The following EVA1A variants were observed in gnomAD, a reference collection of about 807,000 sequenced individuals.
EVA1A encodes the protein eva-1 homolog A, regulator of programmed cell death, also known as protein eva-1 homolog A.
In EVA1A, 7 loss-of-function variants were observed where a neutral mutation model predicts 9.8. That is an observed-to-expected ratio of 0.71 (90% CI 0.41 to 1.34). The LOEUF is 1.34. Among genes scored for constraint, EVA1A ranks in the 40% most tolerant of loss-of-function variants. EVA1A has a pLI of 0.01. For missense variants in EVA1A, 206 were observed against 205.9 expected (o/e 1.00, Z 0.00); for synonymous variants, 90 against 85.6 (o/e 1.05, Z -0.28).
In EVA1A at chr2:75,526,720, G is replaced by T. The variant is rs113683523; in HGVS notation, c.-191-4233C>A. ...GCACAGGAGCAAAGGGATAGGCAGA[G>T]AAATTGAACAGAAGTCAAAGCTGCA... On this transcript the variant is annotated intron_variant, in intron 1 of 3. Transcript: ENST00000393913. 4.1e-3 allele frequency among the ~76,000 whole-genome samples: 625 copies of T among 152,336 alleles called. 2 individuals carry two copies. Among genetic ancestry groups the T allele is most frequent in the African/African-American group, 0.014 (597 of 41,574 alleles).
At chr2:75,530,660 C>T (rs1261215019) in intron 1 of EVA1A, among the ~76,000 whole-genome samples, 2 of 152,120 alleles carry the variant, frequency 1.3e-5, no homozygotes, top group Admixed American at 6.5e-5. Flanking sequence ...ATTATATGAT[C>T]ATCTCAATAG....
intron 1 of EVA1A, among the ~76,000 whole-genome samples, chr2:75,539,271 T>C (rs903346291): frequency 2.0e-5 from 3 of 152,186 alleles, no homozygotes; most frequent in Non-Finnish European, 4.4e-5. Context: ...AGTTTTCTTT[T>C]TCCAGAATAT....
At chr2:75,505,374 C>T (rs1674579832) in intron 3 of EVA1A, among the ~76,000 whole-genome samples, 1 of 152,132 alleles carries the variant, frequency 6.6e-6, no homozygotes, top group South Asian at 2.1e-4. Flanking sequence ...GATTCACTTT[C>T]GATTCTCTGG....
intron 1 of EVA1A, among the ~76,000 whole-genome samples, chr2:75,555,339 C>CCCA (rs1676674208): frequency 7.3e-6 from 1 of 137,172 alleles, no homozygotes; most frequent in Non-Finnish European, 1.7e-5. Context: ...CTCTCTCTCC[C>CCCA]CCATCTCCCC....
chr2:75,513,345 G>A (rs1674884070), intron 3 of EVA1A, among the ~76,000 whole-genome samples: 1 of 152,144 alleles, frequency 6.6e-6, no homozygotes, highest in Non-Finnish European at 1.5e-5. Flanking sequence ...TCATCCTCAT[G>A]CTATACATTA....
At chr2:75,539,230 T>C (rs1409475785) in intron 1 of EVA1A, among the ~76,000 whole-genome samples, 2 of 152,204 alleles carry the variant, frequency 1.3e-5, no homozygotes. Context: ...GAAAATGTTT[T>C]ATCTTGGGAA....
At position 75,493,508 on chromosome 2, in the gene EVA1A, A is replaced by G; in HGVS notation, c.187T>C (p.Cys63Arg). 6.2e-7 allele frequency: 1 copy of G among 1,614,226 alleles called. No homozygotes were observed. The highest frequency in any genetic ancestry group is 8.5e-7 in the Non-Finnish European group (1 of 1,180,038). The part of the protein sequence containing the change: ...LVIRISCHTD[C>R]RRRPGKKFLQ... ...AACTTCTTCCCGGGACGCCGCCTGCAGTCTGTGTGGCAAGAGATCCTTATC... is the reference window on the plus strand; with the variant it reads ...AACTTCTTCCCGGGACGCCGCCTGCGGTCTGTGTGGCAAGAGATCCTTATC... Residue 63 changes from cysteine (C) to arginine (R), a missense_variant, in exon 4 of 4, where the codon TGC becomes CGC. Cys to Arg is a radical substitution (Grantham distance 180). Transcript: ENST00000393913.
chr2:75,540,704 C>T (rs1304153860), intron 1 of EVA1A: 1 of 152,136 alleles, frequency 6.6e-6, no homozygotes, highest in Non-Finnish European at 1.5e-5. Context: ...TGTAGATGCT[C>T]CAAGACTCTC....
intron 3 of EVA1A, among the ~76,000 whole-genome samples, chr2:75,495,875 TCTC>T (rs1219351964): frequency 6.6e-6 from 1 of 152,210 alleles, no homozygotes; most frequent in African/African-American, 2.4e-5. Flanking sequence ...TTCTTTTTCT[TCTC>T]CTCCTTTCCT....
rs547885806 is a variant in EVA1A, at chr2:75,493,549, G to A, written c.146C>T (p.Thr49Ile). 2 of 1,614,086 alleles carry A rather than the reference G, an allele frequency of 1.2e-6. No homozygotes were observed. Among genetic ancestry groups the A allele is most frequent in the African/African-American group, 2.7e-5 (2 of 75,044 alleles). ...GATCCTTATCACCAGAGCAGCCAGG[G>A]TCAGCACCAGCCCGATGCACACGCC... is the stretch of plus-strand genomic sequence containing the variant. ...VSGVCIGLVL[T>I]LAALVIRISC... is the part of the protein sequence containing the mutation. Residue 49 changes from threonine (T) to isoleucine (I), a missense_variant, in exon 4 of 4, where the codon ACC (threonine) becomes ATC (isoleucine). Coordinates refer to ENST00000393913, the MANE Select transcript of EVA1A (RefSeq NM_001135032.2).
chr2:75,516,981 C>T (rs1225834125), intron 3 of EVA1A, among the ~76,000 whole-genome samples: 1 of 152,108 alleles, frequency 6.6e-6, no homozygotes, highest in Non-Finnish European at 1.5e-5. Flanking sequence ...GTGACCTAGG[C>T]CTTCACTGAT....
intron 1 of EVA1A, among the ~76,000 whole-genome samples, chr2:75,537,489 A>G (rs531918648): frequency 6.6e-6 from 1 of 152,350 alleles, no homozygotes; most frequent in South Asian, 2.1e-4. Flanking sequence ...AAAAGGTACT[A>G]AAAGACACAC....
At chr2:75,512,053 C>A (rs911452390) in intron 3 of EVA1A, among the ~76,000 whole-genome samples, 1 of 151,434 alleles carries the variant, frequency 6.6e-6, no homozygotes. Context: ...TACATAGAAG[C>A]TACACATATT....
At chr2:75,552,344 C>T (rs1676555409) in intron 1 of EVA1A, among the ~76,000 whole-genome samples, 1 of 152,092 alleles carries the variant, frequency 6.6e-6, no homozygotes, top group Non-Finnish European at 1.5e-5. Context: ...CCTATAAATG[C>T]TGCTCCCTCC....
upstream of EVA1A, among the ~76,000 whole-genome samples, chr2:75,564,687 C>CA (rs1266850533): frequency 2.0e-5 from 3 of 152,196 alleles, no homozygotes; most frequent in African/African-American, 7.2e-5. Context: ...GATCGTGTTC[C>CA]ACCCATGACA....
chr2:75,493,970 G>A (rs975233182), intron 3 of EVA1A, among the ~76,000 whole-genome samples: 1 of 152,134 alleles, frequency 6.6e-6, no homozygotes, highest in Non-Finnish European at 1.5e-5. Flanking sequence ...TTTTCACCTA[G>A]GCCAAAACAG....
intron 2 of EVA1A, chr2:75,518,646 C>T (rs1675105181): frequency 1.0e-6 from 1 of 987,794 alleles, no homozygotes; most frequent in Non-Finnish European, 1.2e-6. Flanking sequence ...CTTACCACTT[C>T]TGGAACTCTT....
At chr2:75,531,187 T>C (rs1675635977) in intron 1 of EVA1A, among the ~76,000 whole-genome samples, 1 of 152,132 alleles carries the variant, frequency 6.6e-6, no homozygotes, top group African/African-American at 2.4e-5. Flanking sequence ...TTTAGGAATA[T>C]ACATAACCAA....
rs570168251 is a variant in EVA1A at position 75,527,299 on chromosome 2, G to A, written c.-191-4812C>T. ...GAGTGATGTCAGAGAAGGCACAAGG[G>A]GAGAGATGAGACTTTCATCTGAGAT... On this transcript the variant is annotated intron_variant, in intron 1 of 3. Coordinates refer to ENST00000393913, the MANE Select transcript of EVA1A (RefSeq NM_001135032.2). Among the ~76,000 whole-genome samples the A allele has an allele frequency of 3.9e-5, 6 of 152,296 alleles. No homozygotes were observed. In the South Asian group the frequency reaches 1.0e-3, roughly 26 times the overall value.
Sources: gnomAD v4.1 joint callset for allele counts (sites outside exome capture counted in the v4.1 genomes callset) on GRCh38, gnomAD v4.1.1 for gene constraint, MANE v1.5 for transcripts, NCBI Gene and HGNC (gene_info 2026-07-23, HGNC 2026-07-21) for gene names.